Variants in STARD9 observed in about 807,000 individuals in gnomAD.
STARD9 encodes the protein stAR-related lipid transfer protein 9.
STARD9 carries 346 observed loss-of-function variants against 399.8 expected under a neutral mutation model. The ratio of observed to expected loss-of-function variants is 0.87; its 90% CI spans 0.79 to 0.95. The LOEUF is 0.95. Ranked by LOEUF, STARD9 falls within the 40% of genes least tolerant of loss-of-function variation. STARD9 has a pLI of 0.00. For missense variants in STARD9, 5,832 were observed against 5,667.5 expected (o/e 1.03, Z -0.93); for synonymous variants, 2,203 against 2,143.5 (o/e 1.03, Z -0.77).
At chr15:42,649,497 T>C (rs2059714578) in intron 7 of STARD9, among the ~76,000 whole-genome samples, 1 of 152,242 alleles carries the variant, frequency 6.6e-6, no homozygotes, top group Non-Finnish European at 1.5e-5. Context: ...CATTTTATTA[T>C]TTCATTATAG....
At chr15:42,623,924 G>T (rs1049728634) in intron 3 of STARD9, among the ~76,000 whole-genome samples, 6 of 152,220 alleles carry the variant, frequency 3.9e-5, no homozygotes, top group African/African-American at 1.2e-4. Context: ...TTGGGCCAGG[G>T]CCCAAATTAT....
chr15:42,695,126 G>T lies in STARD9; in HGVS notation c.12963-14G>T, dbSNP rs750466722. On this transcript the variant is annotated splice_polypyrimidine_tract_variant and intron_variant, in intron 24 of 32. Coordinates refer to ENST00000290607, the MANE Select transcript of STARD9 (RefSeq NM_020759.3). ...CCACCCACCATGTTCTTTCCACCCC[G>T]TGATCTTCCTCAGGAGCCCAGAGTC... 3 of 1,516,316 alleles carry T rather than the reference G, an allele frequency of 2.0e-6. No individual in the cohort carries two copies. The highest frequency in any genetic ancestry group is 2.4e-5 in the South Asian group (2 of 81,960). 93.9% of individuals were successfully genotyped at this position (1,516,316 alleles called of 1,614,324 possible). A position where few individuals can be genotyped will look rare whatever the true frequency, so the allele number is the denominator to read the frequency against.
chr15:42,696,936 G>A (rs2060858607), intron 26 of STARD9, among the ~76,000 whole-genome samples: 1 of 152,206 alleles, frequency 6.6e-6, no homozygotes, highest in Admixed American at 6.5e-5. Flanking sequence ...AATCCAGATA[G>A]AGCAGTTGGA....
chr15:42,626,348 C>T (rs1170971133), intron 3 of STARD9, among the ~76,000 whole-genome samples: 1 of 146,454 alleles, frequency 6.8e-6, no homozygotes. Flanking sequence ...CTTCCTCTTC[C>T]TCTTCTTCCT....
At chr15:42,620,286 A>T (rs74603383) in intron 3 of STARD9, among the ~76,000 whole-genome samples, 1 of 146,768 alleles carries the variant, frequency 6.8e-6, no homozygotes, top group South Asian at 2.1e-4. Flanking sequence ...TTATAAGTAG[A>T]TTTTTTTTTT....
At chr15:42,673,472 C>G (rs1468781323) in intron 16 of STARD9, among the ~76,000 whole-genome samples, 1 of 152,170 alleles carries the variant, frequency 6.6e-6, no homozygotes, top group East Asian at 1.9e-4. Context: ...GAAAAAGCTG[C>G]AGGGGCTTAG....
Position 42,689,969 on chromosome 15 carries a change from A to G in STARD9, c.8391A>G (p.Ser2797=). ...RTLDTTYGEV[S]DNLLVTAQGE... ...TAGACACCACATATGGAGAAGTTTC[A>G]GATAATTTGTTAGTGACTGCACAGG... The change falls in exon 23 of 33, where the codon TCA becomes TCG. Residue 2797 remains serine, a synonymous_variant. Transcript: ENST00000290607. The G allele has an allele frequency of 3.9e-6, 6 of 1,537,626 alleles. No individual in the cohort carries two copies. Among genetic ancestry groups the G allele is most frequent in the Non-Finnish European group, 5.2e-6 (6 of 1,147,016 alleles).
intron 2 of STARD9, 141 bp from the exon 3 acceptor site, chr15:42,585,380 C>G (rs1240821989): frequency 1.9e-6 from 1 of 539,332 alleles, no homozygotes; most frequent in Non-Finnish European, 3.3e-6. Flanking sequence ...GAAAGATTAC[C>G]TTTTCTTTTT....
At position 42,634,929 on chromosome 15, in the gene STARD9, G is replaced by A. The variant is rs1325557493; in HGVS notation, c.308G>A (p.Gly103Glu). ...TATAACATATGCCTTTTTGCTTATG[G>A]ACAGACAGGCTCTGGGAAGACATAT... ...KGYNICLFAY[G>E]QTGSGKTYTM... The change falls in exon 4 of 33, where the codon GGA (glycine) becomes GAA (glutamate). Residue 103 changes from glycine (G) to glutamate (E), a missense_variant. Coordinates refer to ENST00000290607, the MANE Select transcript of STARD9 (RefSeq NM_020759.3). 1 of 1,536,822 alleles carries A rather than the reference G, an allele frequency of 6.5e-7. No homozygotes were observed. Among genetic ancestry groups the A allele is most frequent in the East Asian group, 2.4e-5 (1 of 40,884 alleles).
Position 42,694,256 on chromosome 15 carries a change from C to T in STARD9, c.12678C>T (p.Ala4226=). 1 of 1,528,582 alleles carries T rather than the reference C, an allele frequency of 6.5e-7. No homozygotes were observed. The highest frequency in any genetic ancestry group is 8.8e-7 in the Non-Finnish European group (1 of 1,142,504). 94.7% of individuals were successfully genotyped at this position (1,528,582 alleles called of 1,614,324 possible). A position where few individuals can be genotyped will look rare whatever the true frequency, so the allele number is the denominator to read the frequency against. ...KLHHGFGEAD[A]LLQVLQSGTG... ...ACCATGGCTTTGGGGAGGCCGATGCCCTGCTCCAGGTGCTGCAGAGTGGGA... is the reference window on the plus strand; with the variant it reads ...ACCATGGCTTTGGGGAGGCCGATGCTCTGCTCCAGGTGCTGCAGAGTGGGA... Residue 4226 remains alanine (A), a synonymous_variant, in exon 23 of 33, where the codon GCC becomes GCT. Coordinates refer to ENST00000290607, the MANE Select transcript of STARD9 (RefSeq NM_020759.3).
At chr15:42,629,949 T>C (rs2059296349) in intron 3 of STARD9, 2 of 152,124 alleles carry the variant, frequency 1.3e-5, no homozygotes, top group African/African-American at 4.8e-5. Flanking sequence ...TGAGTCATCC[T>C]TGCATCCCTA....
In STARD9 at chr15:42,692,518, G is replaced by T; in HGVS notation, c.10940G>T (p.Ser3647Ile). Residue 3647 changes from serine to isoleucine, a missense_variant, in exon 23 of 33, where the codon AGC becomes ATC. This residue lies in a region of STARD9 where 5,828 missense variants were observed against 5,651.1 expected (regional missense o/e 1.03). Transcript: ENST00000290607. ...TFEQGTQTLG[S>I]RRHWSSTDIS... ...GAACAGGGCACACAGACCCTCGGCA[G>T]CAGGCGCCACTGGAGCAGCACTGAC... 6.5e-7 allele frequency: 1 copy of T among 1,537,182 alleles called. No individual in the cohort carries two copies. The highest frequency in any genetic ancestry group is 8.7e-7 in the Non-Finnish European group (1 of 1,146,904).
rs1277239912 is a variant in STARD9 at position 42,691,824 on chromosome 15, A to G, written c.10246A>G (p.Met3416Val). ...PYPMPSTLSHMPTPDFTTSWM... is the reference protein window; with the variant it reads ...PYPMPSTLSHVPTPDFTTSWM... ...TCCAATGCCTTCCACTCTCTCACAC[A>G]TGCCAACCCCTGATTTCACGACCAG... Residue 3416 changes from methionine (M) to valine (V), a missense_variant, in exon 23 of 33, where the codon ATG (methionine) becomes GTG (valine). Transcript: ENST00000290607. The G allele has an allele frequency of 2.0e-6, 3 of 1,537,226 alleles. No homozygotes were observed. Among genetic ancestry groups the G allele is most frequent in the East Asian group, 2.4e-5 (1 of 40,912 alleles).
At chr15:42,628,223 A>G (rs892151132) in intron 3 of STARD9, among the ~76,000 whole-genome samples, 2 of 152,160 alleles carry the variant, frequency 1.3e-5, no homozygotes, top group African/African-American at 4.8e-5. Context: ...TGTCATTTGT[A>G]TGTCTTCTTT....
intron 3 of STARD9, among the ~76,000 whole-genome samples, chr15:42,627,744 T>A (rs1159182241): frequency 6.6e-6 from 1 of 152,218 alleles, no homozygotes; most frequent in African/African-American, 2.4e-5. Context: ...ATCCATGTTT[T>A]TGTAAATGAC....
At chr15:42,694,407 AAGCTAATAGC>A (rs2060793127) in intron 23 of STARD9, 65 bp downstream of exon 23, 2 of 1,531,408 alleles carry the variant, frequency 1.3e-6, no homozygotes, top group Admixed American at 3.9e-5. Context: ...GAACCCAAGA[AAGCTAATAGC>A]TTGCTGTTTC....
rs1293890299 is a variant in STARD9 at position 42,689,522 on chromosome 15, ATC to A, written c.7948_7949del (p.Leu2650AlafsTer6). 6.5e-7 allele frequency: 1 copy of A among 1,537,152 alleles called. No homozygotes were observed. Among genetic ancestry groups the A allele is most frequent in the Admixed American group, 2.0e-5 (1 of 50,978 alleles). The part of the protein sequence containing the change: ...ATSLSADSFE[S>X]LPNTETDREP... ...CATCTCTGTCTGCAGACAGCTTTGA[ATC>A]TCTGCCCAATACGGAAACTGACAGA... On this transcript the variant is annotated frameshift_variant, in exon 23 of 33. Coordinates refer to ENST00000290607, the MANE Select transcript of STARD9 (RefSeq NM_020759.3). LOFTEE classifies it high-confidence loss of function.
intron 26 of STARD9, among the ~76,000 whole-genome samples, chr15:42,699,494 C>T (rs1196161371): frequency 1.4e-5 from 2 of 146,120 alleles, no homozygotes; most frequent in Non-Finnish European, 3.0e-5. Flanking sequence ...CCCGGGTTCA[C>T]GCCATTCTCC....
In STARD9 at chr15:42,669,580, C is replaced by T. The variant is rs541664623; in HGVS notation, c.1497+243C>T. 8.3e-6 allele frequency: 3 copies of T among 359,566 alleles called. No individual in the cohort carries two copies. In the Admixed American group the frequency reaches 1.2e-4, roughly 14 times the overall value. 22.3% of individuals were successfully genotyped at this position (359,566 alleles called of 1,614,324 possible). ...TTTTTCAACTGCTGCTACTGTTGTT[C>T]TTATGTAACTTACTTTTGTTCTCTT... is the stretch of plus-strand genomic sequence containing the variant. On this transcript the variant is annotated intron_variant, in intron 16 of 32. Coordinates refer to ENST00000290607, the MANE Select transcript of STARD9 (RefSeq NM_020759.3).
Sources: allele counts gnomAD v4.1 joint callset (sites outside exome capture counted in the v4.1 genomes callset), GRCh38; gene constraint gnomAD v4.1.1; regional missense constraint gnomAD v4.1.1; transcripts MANE v1.5; gene names NCBI Gene and HGNC (gene_info 2026-07-23, HGNC 2026-07-21).